The following ADAM32 variants were observed in gnomAD, a reference collection of about 807,000 sequenced individuals.
ADAM32 encodes the protein ADAM metallopeptidase domain 32.
Under a neutral mutation model 114.9 loss-of-function variants are expected in ADAM32, and 89 were observed. The ratio of observed to expected loss-of-function variants is 0.77; its 90% CI spans 0.65 to 0.92. The LOEUF is 0.92. Ranked by LOEUF, ADAM32 falls within the 40% of genes least tolerant of loss-of-function variation. ADAM32 has a pLI of 0.00. For synonymous variants in ADAM32, 285 were observed against 307.5 expected, an observed-to-expected ratio of 0.93 and a Z score of 0.77; for missense variants, 870 against 932.8, an observed-to-expected ratio of 0.93 and a Z score of 0.88.
chr8:39,253,152 G>C (rs941505317), intron 17 of ADAM32, among the ~76,000 whole-genome samples: 1 of 151,554 alleles, frequency 6.6e-6, no homozygotes, highest in East Asian at 1.9e-4. Flanking sequence ...AAAATGCACA[G>C]ATCAATTAAT....
At chr8:39,223,507 C>G (rs532488361) in intron 14 of ADAM32, 5 of 185,212 alleles carry the variant, frequency 2.7e-5, no homozygotes, top group Non-Finnish European at 1.1e-5. Context: ...TCTTTGCTGA[C>G]GTATAATTGA....
chr8:39,116,492 G>A (rs1273930385), intron 1 of ADAM32, among the ~76,000 whole-genome samples: 1 of 152,108 alleles, frequency 6.6e-6, no homozygotes, highest in African/African-American at 2.4e-5. Context: ...TGTTCTTTTT[G>A]TGGCTATTCT....
chr8:39,129,086 C>T (rs1802282429), intron 2 of ADAM32, among the ~76,000 whole-genome samples: 1 of 150,220 alleles, frequency 6.7e-6, no homozygotes, highest in South Asian at 2.1e-4. Context: ...TGTCTTGCCA[C>T]CTTACCTAAT....
chr8:39,175,395 A>C (rs1432867095), intron 10 of ADAM32, among the ~76,000 whole-genome samples: 1 of 151,470 alleles, frequency 6.6e-6, no homozygotes, highest in African/African-American at 2.4e-5. Context: ...TTTAACATGA[A>C]AATTTTTTCA....
chr8:39,274,229 T>C, intron 20 of ADAM32, 83 bp from the exon 21 acceptor site: 2 of 1,311,916 alleles, frequency 1.5e-6, no homozygotes, highest in Non-Finnish European at 2.2e-6. Flanking sequence ...TAATACTAAT[T>C]ATAAAATGGC....
At chr8:39,195,079 A>G (rs1185602726) in intron 11 of ADAM32, among the ~76,000 whole-genome samples, 2 of 152,172 alleles carry the variant, frequency 1.3e-5, no homozygotes, top group Non-Finnish European at 2.9e-5. Context: ...GTCTCAGTGC[A>G]TAGTAGCCTT....
At chr8:39,171,326 AT>A (rs1805177110) in intron 10 of ADAM32, among the ~76,000 whole-genome samples, 1 of 152,112 alleles carries the variant, frequency 6.6e-6, no homozygotes, top group African/African-American at 2.4e-5. Flanking sequence ...AGAGGACAAG[AT>A]TTGGATTGTT....
intron 1 of ADAM32, among the ~76,000 whole-genome samples, chr8:39,114,934 A>G (rs1472639243): frequency 3.9e-5 from 6 of 152,110 alleles, no homozygotes; most frequent in Non-Finnish European, 8.8e-5. Context: ...TGTGTACTCA[A>G]TGTTTAGCCT....
At chr8:39,117,187 A>C (rs1003862248) in intron 1 of ADAM32, among the ~76,000 whole-genome samples, 3 of 152,150 alleles carry the variant, frequency 2.0e-5, no homozygotes, top group Non-Finnish European at 2.9e-5. Flanking sequence ...CGGCCCTGTT[A>C]AGCAGATTTA....
At chr8:39,248,080 T>G (rs1384016121) in intron 17 of ADAM32, among the ~76,000 whole-genome samples, 1 of 152,180 alleles carries the variant, frequency 6.6e-6, no homozygotes, top group Non-Finnish European at 1.5e-5. Context: ...TCATATTGCC[T>G]CGATTACTAC....
At chr8:39,222,871 A>G (rs997977998) in intron 13 of ADAM32, among the ~76,000 whole-genome samples, 169 bp from the exon 14 acceptor site, 1 of 152,134 alleles carries the variant, frequency 6.6e-6, no homozygotes, top group Non-Finnish European at 1.5e-5. Context: ...AGTCAATAAC[A>G]TTCCATTTAT....
chr8:39,257,407 C>T, intron 19 of ADAM32, 64 bp downstream of exon 19: 1 of 1,548,690 alleles, frequency 6.5e-7, no homozygotes, highest in Non-Finnish European at 8.8e-7. Flanking sequence ...ATATGTAAGA[C>T]AATATCACGA....
At chr8:39,266,163 T>C (rs536255278) in intron 19 of ADAM32, among the ~76,000 whole-genome samples, 4 of 152,270 alleles carry the variant, frequency 2.6e-5, no homozygotes, top group South Asian at 4.1e-4. Flanking sequence ...TCTTGTATGG[T>C]ATCTCACAGA....
chr8:39,192,579 A>G (rs572824573), intron 11 of ADAM32, among the ~76,000 whole-genome samples: 1 of 152,238 alleles, frequency 6.6e-6, no homozygotes, highest in African/African-American at 2.4e-5. Flanking sequence ...GTTATTTTGC[A>G]GACTTGTTTG....
chr8:39,223,053 G>C lies in ADAM32; in HGVS notation c.1340G>C (p.Gly447Ala). The change falls in exon 14 of 25, where the codon GGC (glycine) becomes GCC (alanine). Residue 447 changes from glycine to alanine, a missense_variant. Coordinates refer to ENST00000379907, the MANE Select transcript of ADAM32 (RefSeq NM_145004.7). The stretch of plus-strand genomic sequence containing the variant: ...AACTTCTCTTAGATTTTACAATCAG[G>C]CGTTGAATGTAGGCCGAAAGCACAT... Reference protein sequence around the residue: ...CCKDCQILQSGVECRPKAHPE... With the variant: ...CCKDCQILQSAVECRPKAHPE... 6.3e-7 allele frequency: 1 copy of C among 1,579,828 alleles called. No individual in the cohort carries two copies. The highest frequency in any genetic ancestry group is 1.2e-5 in the South Asian group (1 of 84,352).
chr8:39,200,438 T>G (rs1040036567), intron 11 of ADAM32, among the ~76,000 whole-genome samples: 2 of 107,162 alleles, frequency 1.9e-5, no homozygotes, highest in Non-Finnish European at 3.9e-5. Context: ...GAAGTGTCTG[T>G]TCATCTCCTT....
At chr8:39,196,998 A>G (rs561004295) in intron 11 of ADAM32, among the ~76,000 whole-genome samples, 11 of 152,104 alleles carry the variant, frequency 7.2e-5, no homozygotes, top group African/African-American at 2.6e-4. Context: ...GAGACTTTTG[A>G]TTATTGATTC....
rs11403920 is a variant in ADAM32 at position 39,283,791 on chromosome 8, T to TA, written c.2357+169dup. Among the ~76,000 whole-genome samples, 2 of 149,282 alleles carry TA rather than the reference T, an allele frequency of 1.3e-5. 1 individual carries two copies. Among genetic ancestry groups the TA allele is most frequent in the Non-Finnish European group, 3.0e-5 (2 of 67,530 alleles). On this transcript the variant is annotated intron_variant, in intron 24 of 24. Coordinates refer to ENST00000379907, the MANE Select transcript of ADAM32 (RefSeq NM_145004.7). ...TTATTCTTTTTTTTTTTTTTTTTTT[T>TA]AAGACAGAGTCTTGCTCTGTCGACC...
intron 21 of ADAM32, among the ~76,000 whole-genome samples, 176 bp from the exon 22 acceptor site, chr8:39,275,652 A>C (rs968675194): frequency 1.3e-5 from 2 of 152,356 alleles, no homozygotes; most frequent in African/African-American, 4.8e-5. Flanking sequence ...TATATGAATA[A>C]ATAAAAACTT....
Sources: allele counts gnomAD v4.1 joint callset (sites outside exome capture counted in the v4.1 genomes callset), GRCh38; gene constraint gnomAD v4.1.1; transcripts MANE v1.5; gene names NCBI Gene and HGNC (gene_info 2026-07-23, HGNC 2026-07-21).